Variants in MYH13 observed in about 807,000 individuals in gnomAD.
MYH13 encodes myosin heavy chain 13, also known as myosin-13.
A neutral mutation model predicts 232.1 loss-of-function variants in MYH13; 177 were observed. The observed-to-expected ratio is 0.76, with a 90% CI of 0.67 to 0.86. MYH13 has a LOEUF of 0.86. MYH13 is among the 40% of genes least tolerant of loss of function. The pLI is 0.00. For missense variants in MYH13, 2,246 were observed against 2,405.9 expected (o/e 0.93, Z 1.39); for synonymous variants, 884 against 923.5 (o/e 0.96, Z 0.78).
At chr17:10,349,135 G>T (rs549185265) in intron 12 of MYH13, among the ~76,000 whole-genome samples, 3 of 146,180 alleles carry the variant, frequency 2.1e-5, no homozygotes, top group African/African-American at 7.6e-5. Flanking sequence ...GGAGTTTCAC[G>T]ATTTTCACCC....
chr17:10,365,167 C>T (rs1214477023), intron 2 of MYH13, among the ~76,000 whole-genome samples: 3 of 152,100 alleles, frequency 2.0e-5, no homozygotes, highest in African/African-American at 7.2e-5. Context: ...GAGCCACCGC[C>T]TCCATCCTAG....
At chr17:10,330,243 C>T in intron 21 of MYH13, 144 bp downstream of exon 21, 1 of 1,199,756 alleles carries the variant, frequency 8.3e-7, no homozygotes, top group Non-Finnish European at 1.1e-6. Flanking sequence ...GCACCCAGCC[C>T]AGGATTGCCG....
At chr17:10,349,075 C>A (rs1567669477) in intron 12 of MYH13, among the ~76,000 whole-genome samples, 1 of 140,540 alleles carries the variant, frequency 7.1e-6, no homozygotes, top group East Asian at 2.3e-4. Context: ...CTTCCCTTCC[C>A]TTCTCCCCCT....
chr17:10,330,515 G>A lies in MYH13; in HGVS notation c.2307C>T (p.Phe769=), dbSNP rs1337714019. 6.2e-7 allele frequency: 1 copy of A among 1,608,440 alleles called. No homozygotes were observed. The highest frequency in any genetic ancestry group is 1.1e-5 in the South Asian group (1 of 90,008). Residue 769 remains phenylalanine, a synonymous_variant, in exon 21 of 41, where the codon TTC becomes TTT. Coordinates refer to ENST00000252172, the MANE Select transcript of MYH13 (RefSeq NM_003802.3). ...QFRFGNTKVF[F]KAGLLGLLEE... ...CCAAAAGTCCCAGGAGCCCAGCTTT[G>A]AAAAACACCTGCATTAAAAGACAGA...
rs1212491114 is a variant in MYH13 at position 10,332,094 on chromosome 17, CTCACCTTGG to C, written c.2294_2298+4del. 6.2e-7 allele frequency: 1 copy of C among 1,613,774 alleles called. No homozygotes were observed. The highest frequency in any genetic ancestry group is 1.7e-5 in the Admixed American group (1 of 60,010). On this transcript the variant is annotated splice_donor_variant and splice_donor_region_variant and coding_sequence_variant and intron_variant, in exon 20 of 41. Transcript: ENST00000252172. LOFTEE classifies it high-confidence loss of function. ...TAGGGGAGTCCCAGCCTTGCCTGTG[CTCACCTTGG>C]TGTTGCCGAACCTGAACTGCTCCCG...
chr17:10,334,878 CAAATAAATAAAT>C (rs537407226), intron 18 of MYH13, among the ~76,000 whole-genome samples: 1 of 151,618 alleles, frequency 6.6e-6, no homozygotes, highest in Non-Finnish European at 1.5e-5. Context: ...GACTCAGTCT[CAAATAAATAAAT>C]AAATAAATAA....
intron 20 of MYH13, 71 bp downstream of exon 20, chr17:10,332,028 T>C: frequency 1.3e-6 from 2 of 1,581,998 alleles, no homozygotes. Context: ...GGGGACCCTT[T>C]TTCTGATCAG....
chr17:10,369,053 C>T (rs1413862121), intron 2 of MYH13, among the ~76,000 whole-genome samples: 1 of 152,156 alleles, frequency 6.6e-6, no homozygotes, highest in Non-Finnish European at 1.5e-5. Context: ...ATTGCTTGTA[C>T]ACAAAATAAT....
At chr17:10,319,438 G>A (rs1167831365) in intron 26 of MYH13, among the ~76,000 whole-genome samples, 3 of 151,666 alleles carry the variant, frequency 2.0e-5, no homozygotes. Flanking sequence ...GAACCTGGGA[G>A]GTGGAGGTTG....
rs762969825 is a variant in MYH13 at position 10,301,632 on chromosome 17, CCT to C, written c.5737_5738del (p.Arg1913GlyfsTer5). 8 of 1,614,224 alleles carry C rather than the reference CCT, an allele frequency of 5.0e-6. No homozygotes were observed. Among genetic ancestry groups the C allele is most frequent in the East Asian group, 2.2e-5 (1 of 44,878 alleles). ...VQHELEEAAE[R>X]ADIAESQVNK... ...TGACCTGGGACTCAGCGATGTCCGCCCTCTCCGCGGCCTCCTCTAGCTCATGC... is the reference window on the plus strand; with the variant it reads ...TGACCTGGGACTCAGCGATGTCCGCCCTCCGCGGCCTCCTCTAGCTCATGC... On this transcript the variant is annotated frameshift_variant, in exon 40 of 41. Transcript: ENST00000252172. LOFTEE classifies it high-confidence loss of function.
intron 33 of MYH13, 111 bp from the exon 34 acceptor site, chr17:10,309,941 T>C (rs1374708591): frequency 3.0e-5 from 29 of 968,958 alleles, no homozygotes; most frequent in Non-Finnish European, 1.4e-6. Flanking sequence ...AAAAATTAAA[T>C]TTAAATTTTT....
At position 10,355,117 on chromosome 17, in the gene MYH13, T is replaced by A; in HGVS notation, c.769A>T (p.Thr257Ser). ...ATGTCTGCCGATGCCAGCTTTCCTG[T>A]GGCTCCAAAATGAATCCGAATGAAC... is the stretch of plus-strand genomic sequence containing the variant. ...GKFIRIHFGA[T>S]GKLASADIET... The change falls in exon 9 of 41, where the codon ACA (threonine) becomes TCA (serine). Residue 257 changes from threonine to serine, a missense_variant. Thr to Ser is a moderately conservative substitution (Grantham distance 58). Coordinates refer to ENST00000252172, the MANE Select transcript of MYH13 (RefSeq NM_003802.3). 1.3e-6 allele frequency: 2 copies of A among 1,590,678 alleles called. No individual in the cohort carries two copies. The highest frequency in any genetic ancestry group is 8.6e-7 in the Non-Finnish European group (1 of 1,167,158).
intron 35 of MYH13, among the ~76,000 whole-genome samples, chr17:10,307,343 C>G (rs1490755880): frequency 6.6e-6 from 1 of 151,846 alleles, no homozygotes; most frequent in Non-Finnish European, 1.5e-5. Flanking sequence ...AGTAAAAAGT[C>G]TTGGAACAAG....
intron 11 of MYH13, among the ~76,000 whole-genome samples, chr17:10,352,393 C>A (rs1287683799): frequency 1.3e-5 from 2 of 152,082 alleles, no homozygotes; most frequent in African/African-American, 4.8e-5. Context: ...AGTTCAAGAC[C>A]AGCCTGGCCA....
intron 29 of MYH13, among the ~76,000 whole-genome samples, chr17:10,314,857 T>C (rs911851500): frequency 6.6e-6 from 1 of 152,220 alleles, no homozygotes; most frequent in Non-Finnish European, 1.5e-5. Flanking sequence ...CATGAGTTTA[T>C]AGATCTGTGG....
chr17:10,306,514 G>A lies in MYH13; in HGVS notation c.5411C>T (p.Ala1804Val). ...CCCGCCCTTCAGCGCCAGTTGTTCA[G>A]CCTCATCTAGACGGTGCTGCAGGTC... ...VKDLQHRLDE[A>V]EQLALKGGKK... The change falls in exon 37 of 41, where the codon GCT becomes GTT. Residue 1804 changes from alanine to valine, a missense_variant. Physicochemically the swap from Ala to Val is moderately conservative, Grantham distance 64. Transcript: ENST00000252172. This position sits in a 1 kb window ranked among gnomAD's most constrained non-coding sequence, Gnocchi z 4.3. 2 of 1,614,080 alleles carry A rather than the reference G, an allele frequency of 1.2e-6. No individual in the cohort carries two copies. The highest frequency in any genetic ancestry group is 2.2e-5 in the South Asian group (2 of 91,062).
At chr17:10,332,844 T>A (rs1338313021) in intron 19 of MYH13, among the ~76,000 whole-genome samples, 1 of 152,122 alleles carries the variant, frequency 6.6e-6, no homozygotes. Flanking sequence ...AGTTGAGACA[T>A]CCTGGTCTAG....
chr17:10,371,603 T>C (rs1475825523), intron 1 of MYH13, among the ~76,000 whole-genome samples: 1 of 152,176 alleles, frequency 6.6e-6, no homozygotes, highest in Non-Finnish European at 1.5e-5. Context: ...AATGCTCAAG[T>C]AAGTCTTTGA....
rs1444439504 is a variant in MYH13 at position 10,306,019 on chromosome 17, G to T, written c.5466+440C>A. ...AGAAAACGGAAACTGCAGATTTTAT[G>T]TAGGATGGGCTGTGTTGATCAAAGT... On this transcript the variant is annotated intron_variant, in intron 37 of 40. Transcript: ENST00000252172. This position sits in a 1 kb window ranked among gnomAD's most constrained non-coding sequence, Gnocchi z 4.3. Among the ~76,000 whole-genome samples, 2 of 152,182 alleles carry T rather than the reference G, an allele frequency of 1.3e-5. No individual in the cohort carries two copies. The highest frequency in any genetic ancestry group is 4.8e-5 in the African/African-American group (2 of 41,446).
Sources: allele counts gnomAD v4.1 joint callset (sites outside exome capture counted in the v4.1 genomes callset), GRCh38; gene constraint gnomAD v4.1.1; non-coding constraint Gnocchi (gnomAD v3.1); transcripts MANE v1.5; gene names NCBI Gene and HGNC (gene_info 2026-07-23, HGNC 2026-07-21).